Variants in UBE3D observed in about 807,000 individuals in gnomAD.
UBE3D encodes the protein ubiquitin protein ligase E3D.
Under a neutral mutation model 49.6 loss-of-function variants are expected in UBE3D, and 48 were observed. The ratio of observed to expected loss-of-function variants is 0.97; its 90% CI spans 0.77 to 1.23. UBE3D has a LOEUF of 1.23. Ranked by LOEUF, UBE3D falls within the 50% of genes most tolerant of loss-of-function variation. The pLI is 0.00. For missense variants in UBE3D, 452 were observed against 468.4 expected, an observed-to-expected ratio of 0.96 and a Z score of 0.32; for synonymous variants, 189 against 174.2, an observed-to-expected ratio of 1.08 and a Z score of -0.67.
chr6:82,975,347 C>A (rs1261090657), intron 8 of UBE3D, among the ~76,000 whole-genome samples: 2 of 152,030 alleles, frequency 1.3e-5, no homozygotes, highest in Non-Finnish European at 2.9e-5. Flanking sequence ...AAATAAAGAA[C>A]GGCACGTATA....
chr6:83,054,955 G>C (rs998925189), intron 2 of UBE3D, among the ~76,000 whole-genome samples: 1 of 152,084 alleles, frequency 6.6e-6, no homozygotes, highest in African/African-American at 2.4e-5. Flanking sequence ...AGCCAACTTT[G>C]AGTTTAATTT....
intron 9 of UBE3D, among the ~76,000 whole-genome samples, chr6:82,937,008 C>A (rs191191768): frequency 1.1e-3 from 167 of 152,318 alleles, no homozygotes; most frequent in African/African-American, 3.9e-3. Flanking sequence ...CCAATCATAT[C>A]TTCCACCTCC....
chr6:83,036,876 G>C (rs1234671880), intron 5 of UBE3D: 1 of 152,122 alleles, frequency 6.6e-6, no homozygotes, highest in South Asian at 2.1e-4. Context: ...TGGGACTATA[G>C]GCATGCACCA....
chr6:82,901,088 TA>T (rs1473742666), intron 9 of UBE3D, among the ~76,000 whole-genome samples: 1 of 152,168 alleles, frequency 6.6e-6, no homozygotes, highest in Non-Finnish European at 1.5e-5. Context: ...TAACTACTAT[TA>T]ACATTTTGGA....
chr6:82,949,052 C>G (rs1775603254), intron 9 of UBE3D, among the ~76,000 whole-genome samples: 2 of 152,030 alleles, frequency 1.3e-5, no homozygotes, highest in South Asian at 4.1e-4. Context: ...TAAAGGGTAT[C>G]TAAACTGGAA....
intron 8 of UBE3D, among the ~76,000 whole-genome samples, chr6:82,970,466 T>C (rs1019593571): frequency 6.6e-6 from 1 of 152,108 alleles, no homozygotes; most frequent in Non-Finnish European, 1.5e-5. Context: ...AGGACAGAAA[T>C]TCATTTTTAA....
At chr6:82,983,883 C>T (rs1778282117) in intron 8 of UBE3D, among the ~76,000 whole-genome samples, 2 of 152,128 alleles carry the variant, frequency 1.3e-5, no homozygotes. Context: ...TGGAGCACTT[C>T]TTTGTGTGTT....
intron 8 of UBE3D, among the ~76,000 whole-genome samples, chr6:82,967,897 T>C (rs1337283751): frequency 2.6e-5 from 4 of 152,132 alleles, no homozygotes; most frequent in Non-Finnish European, 5.9e-5. Context: ...CCCACCTCAG[T>C]CTCCAGAATA....
At chr6:82,969,910 A>G (rs1036442315) in intron 8 of UBE3D, among the ~76,000 whole-genome samples, 1 of 151,714 alleles carries the variant, frequency 6.6e-6, no homozygotes, top group Non-Finnish European at 1.5e-5. Context: ...CCAGATACCA[A>G]AACATATAAT....
intron 9 of UBE3D, among the ~76,000 whole-genome samples, chr6:82,928,112 T>C (rs1773892490): frequency 1.3e-5 from 2 of 152,026 alleles, no homozygotes; most frequent in South Asian, 4.1e-4. Context: ...GTGAGGGATG[T>C]TGTAATGAGG....
intron 8 of UBE3D, among the ~76,000 whole-genome samples, chr6:82,987,663 G>T (rs1202273777): frequency 6.6e-6 from 1 of 152,146 alleles, no homozygotes; most frequent in African/African-American, 2.4e-5. Context: ...TTGGAAAGCT[G>T]TTTGGAATTA....
At chr6:82,992,971 G>T (rs1469473701) in intron 8 of UBE3D, among the ~76,000 whole-genome samples, 1 of 151,702 alleles carries the variant, frequency 6.6e-6, no homozygotes, top group African/African-American at 2.4e-5. Flanking sequence ...TTCCACAACT[G>T]CAGCAATTTT....
chr6:82,963,305 T>C (rs145356169), intron 8 of UBE3D, among the ~76,000 whole-genome samples: 1 of 151,892 alleles, frequency 6.6e-6, no homozygotes, highest in East Asian at 1.9e-4. Flanking sequence ...ACCAAACTCA[T>C]TATGTGGAAT....
chr6:83,046,153 CCTT>C lies in UBE3D; in HGVS notation c.366-1497_366-1495del, dbSNP rs532472067. ...TTAAGGTGATATATGCTAAGTTCCT[CCTT>C]CTAACAAAACACAAATACTAGTAAA... is the stretch of plus-strand genomic sequence containing the variant. On this transcript the variant is annotated intron_variant, in intron 3 of 9. Coordinates refer to ENST00000369747, the MANE Select transcript of UBE3D (RefSeq NM_198920.3). Among the ~76,000 whole-genome samples the C allele has an allele frequency of 3.7e-4, 57 of 152,188 alleles. 2 individuals carry two copies. In the South Asian group the frequency reaches 8.3e-3, roughly 22 times the overall value.
intron 8 of UBE3D, among the ~76,000 whole-genome samples, chr6:83,000,845 CTTT>C (rs36049759): frequency 3.5e-5 from 5 of 140,950 alleles, no homozygotes; most frequent in African/African-American, 2.6e-5. Context: ...AGCATCAATT[CTTT>C]TTTTTTTTTT....
chr6:83,045,626 C>T lies in UBE3D; in HGVS notation c.366-967G>A, dbSNP rs576455455. 5.3e-5 allele frequency among the ~76,000 whole-genome samples: 8 copies of T among 152,144 alleles called. No homozygotes were observed. The East Asian group carries it at 1.4e-3, about 26-fold the overall frequency. On this transcript the variant is annotated intron_variant, in intron 3 of 9. Coordinates refer to ENST00000369747, the MANE Select transcript of UBE3D (RefSeq NM_198920.3). ...ACCTAACAACTTTCTTCTATAATTT[C>T]TTCTATTACTATATTTTAGTAAACT...
chr6:83,057,059 C>T (rs562636555), intron 2 of UBE3D, among the ~76,000 whole-genome samples: 37 of 152,118 alleles, frequency 2.4e-4, no homozygotes, highest in Non-Finnish European at 4.6e-4. Flanking sequence ...ATACCAGTTA[C>T]AAAATGTTGT....
intron 9 of UBE3D, among the ~76,000 whole-genome samples, chr6:82,932,966 A>C (rs2127746586): frequency 6.6e-6 from 1 of 152,278 alleles, no homozygotes; most frequent in South Asian, 2.1e-4. Flanking sequence ...GTTATAAAGA[A>C]TGTGACAGTA....
chr6:83,025,885 A>G (rs907247222), intron 5 of UBE3D, among the ~76,000 whole-genome samples: 62 of 138,852 alleles, frequency 4.5e-4, no homozygotes, highest in Middle Eastern at 3.6e-3. Context: ...TCCATCTTAA[A>G]AAAAAAAAAA....
Sources: allele counts gnomAD v4.1 joint callset (sites outside exome capture counted in the v4.1 genomes callset), GRCh38; gene constraint gnomAD v4.1.1; transcripts MANE v1.5; gene names NCBI Gene and HGNC (gene_info 2026-07-23, HGNC 2026-07-21).